The following LYZ variants were observed in gnomAD, a reference collection of about 807,000 sequenced individuals.
The protein encoded by LYZ is lysozyme, also known as lysozyme C.
A neutral mutation model predicts 15.8 loss-of-function variants in LYZ; 18 were observed. The observed-to-expected ratio is 1.14, with a 90% CI of 0.79 to 1.69. LYZ has a LOEUF of 1.69. Ranked by LOEUF, LYZ falls within the 40% of genes most tolerant of loss-of-function variation. The pLI is 0.00. For synonymous variants in LYZ, 60 were observed against 61.7 expected (o/e 0.97, Z 0.13); for missense variants, 139 against 182.8 (o/e 0.76, Z 1.38).
At position 69,350,278 on chromosome 12, in the gene LYZ, A is replaced by G. The variant is rs1427002423; in HGVS notation, c.301+6A>G. 3 of 1,614,050 alleles carry G rather than the reference A, an allele frequency of 1.9e-6. No homozygotes were observed. The highest frequency in any genetic ancestry group is 2.7e-5 in the African/African-American group (2 of 75,044). On this transcript the variant is annotated splice_donor_region_variant and intron_variant, in intron 2 of 3. Transcript: ENST00000261267. ...CTGTCATTTATCCTGCAGTGGTAAG[A>G]CAAGCTAATATTTGACCAATCTGGT...
rs1949856973 is a variant in LYZ, at chr12:69,353,826, C to T, written c.*607C>T. 6.5e-6 allele frequency: 1 copy of T among 154,392 alleles called. No homozygotes were observed. Among genetic ancestry groups the T allele is most frequent in the African/African-American group, 2.4e-5 (1 of 41,400 alleles). 9.6% of individuals were successfully genotyped at this position (154,392 alleles called of 1,614,324 possible). A position where few individuals can be genotyped will look rare whatever the true frequency, so the allele number is the denominator to read the frequency against. ...ATCAAAGAAATAACCCAGACTTAATCTTGAATGATACGATTATGCCCAATA... is the reference window on the plus strand; with the variant it reads ...ATCAAAGAAATAACCCAGACTTAATTTTGAATGATACGATTATGCCCAATA... On this transcript the variant is annotated 3_prime_UTR_variant, in exon 4 of 4. Transcript: ENST00000261267.
At chr12:69,352,176 A>G in intron 2 of LYZ, 44 bp from the exon 3 acceptor site, 1 of 1,393,572 alleles carries the variant, frequency 7.2e-7, no homozygotes, top group Non-Finnish European at 1.0e-6. Context: ...AATTTAAAAT[A>G]AAATATCTAT....
rs779641708 is a variant in LYZ, at chr12:69,352,211, G to GTCT, written c.302-7_302-5dup. ...TTAAAGTTTTTATTCCTTACCACCT[G>GTCT]TCTTTCAGCTTTGCTGCAAGATAAC... On this transcript the variant is annotated splice_polypyrimidine_tract_variant and intron_variant, in intron 2 of 3. Coordinates refer to ENST00000261267, the MANE Select transcript of LYZ (RefSeq NM_000239.3). The GTCT allele has an allele frequency of 3.1e-6, 5 of 1,605,392 alleles. No homozygotes were observed. The Admixed American group carries it at 8.3e-5, about 27-fold the overall frequency.
intron 3 of LYZ, 144 bp downstream of exon 3, chr12:69,352,442 T>A: frequency 1.6e-6 from 1 of 626,092 alleles, no homozygotes; most frequent in Non-Finnish European, 2.9e-6. Context: ...ATTACCTACA[T>A]CCTTGAAGAA....
At chr12:69,352,822 T>C (rs1303433039) in intron 3 of LYZ, among the ~76,000 whole-genome samples, 1 of 152,138 alleles carries the variant, frequency 6.6e-6, no homozygotes, top group Non-Finnish European at 1.5e-5. Flanking sequence ...TTGCAGAGGA[T>C]TGCGCCATTG....
At chr12:69,350,522 G>T (rs1874820206) in intron 2 of LYZ, 2 of 457,884 alleles carry the variant, frequency 4.4e-6, no homozygotes, top group Non-Finnish European at 8.0e-6. Context: ...TGGCCTTACT[G>T]ATGCTTTGTC....
rs1874891064 is a variant in LYZ at position 69,353,497 on chromosome 12, C to CTTTCTTTTTTTTTTTTT, written c.*281_*282insCTTTTTTTTTTTTTTTT. The stretch of plus-strand genomic sequence containing the variant: ...AAATACATCTCCAGTACATTCCGTT[C>CTTTCTTTTTTTTTTTTT]TTTTTTTTTTTGAGACAGTCTCGCT... On this transcript the variant is annotated 3_prime_UTR_variant, in exon 4 of 4. Coordinates refer to ENST00000261267, the MANE Select transcript of LYZ (RefSeq NM_000239.3). The CTTTCTTTTTTTTTTTTT allele has an allele frequency of 4.0e-6, 1 of 252,662 alleles. No homozygotes were observed. Among genetic ancestry groups the CTTTCTTTTTTTTTTTTT allele is most frequent in the Non-Finnish European group, 7.3e-6 (1 of 137,604 alleles). The allele number at this position is 252,662 out of a possible 1,614,324, so 15.7% of individuals were successfully genotyped here.
In LYZ at chr12:69,350,111, T is replaced by C. The variant is rs767355785; in HGVS notation, c.140T>C (p.Met47Thr). 1 of 1,614,100 alleles carries C rather than the reference T, an allele frequency of 6.2e-7. No individual in the cohort carries two copies. The highest frequency in any genetic ancestry group is 8.5e-7 in the Non-Finnish European group (1 of 1,179,962). ...ACTAAAAATAAGTTCTTTTCAGGGA[T>C]GTGTTTGGCCAAATGGGAGAGTGGT... ...GYRGISLANW[M>T]CLAKWESGYN... Residue 47 changes from methionine (M) to threonine (T), a missense_variant, in exon 2 of 4, where the codon ATG becomes ACG. Transcript: ENST00000261267.
chr12:69,350,523 ATG>A, intron 2 of LYZ: 1 of 454,880 alleles, frequency 2.2e-6, no homozygotes, highest in Non-Finnish European at 4.0e-6. Context: ...GGCCTTACTG[ATG>A]CTTTGTCCAG....
chr12:69,351,019 C>A (rs1186854544), intron 2 of LYZ, among the ~76,000 whole-genome samples: 3 of 152,070 alleles, frequency 2.0e-5, no homozygotes, highest in Admixed American at 1.3e-4. Flanking sequence ...AATCTTCCCA[C>A]CTCAGCCTCC....
intron 2 of LYZ, 31 bp from the exon 3 acceptor site, chr12:69,352,189 A>C (rs1874856888): frequency 6.6e-7 from 1 of 1,504,146 alleles, no homozygotes; most frequent in Admixed American, 1.7e-5. Context: ...ATATCTATTA[A>C]AGTTTTTATT....
rs775474378 is a variant in LYZ, at chr12:69,350,311, A to G, written c.301+39A>G. 24 of 1,608,072 alleles carry G rather than the reference A, an allele frequency of 1.5e-5. No homozygotes were observed. The South Asian group carries it at 2.3e-4, about 15-fold the overall frequency. ...ATATTTGACCAATCTGGTTATACTT[A>G]CAAGAATTGAGACTCAATACAAATG... On this transcript the variant is annotated intron_variant, in intron 2 of 3. Transcript: ENST00000261267.
chr12:69,351,557 T>A (rs1419521301), intron 2 of LYZ, among the ~76,000 whole-genome samples: 4 of 152,136 alleles, frequency 2.6e-5, no homozygotes, highest in African/African-American at 9.7e-5. Context: ...CATACACATA[T>A]AAACCCACAT....
intron 1 of LYZ, among the ~76,000 whole-genome samples, chr12:69,349,260 C>T (rs1423528049): frequency 6.6e-6 from 1 of 152,134 alleles, no homozygotes; most frequent in Non-Finnish European, 1.5e-5. Context: ...ACCTCAGCCT[C>T]CCAAAGTGGT....
rs1423180924 is a variant in LYZ at position 69,354,061 on chromosome 12, T to C, written c.*842T>C. On this transcript the variant is annotated 3_prime_UTR_variant, in exon 4 of 4. Transcript: ENST00000261267. ...AATTGAGAATTTTGATTTCTTAAAG[T>C]GTGTTTCTTTCTAAATTGCTGTTCC... The C allele has an allele frequency of 2.0e-5, 3 of 152,192 alleles. No homozygotes were observed. Among genetic ancestry groups the C allele is most frequent in the African/African-American group, 7.2e-5 (3 of 41,436 alleles). The allele number at this position is 152,192 out of a possible 1,614,324, so 9.4% of individuals were successfully genotyped here. A position where few individuals can be genotyped will look rare whatever the true frequency, so the allele number is the denominator to read the frequency against.
chr12:69,350,919 G>GT (rs1010844846), intron 2 of LYZ, among the ~76,000 whole-genome samples: 1 of 151,610 alleles, frequency 6.6e-6, no homozygotes, highest in African/African-American at 2.4e-5. Flanking sequence ...GACTACAGGT[G>GT]TGCACCACCA....
chr12:69,350,994 C>T (rs995159351), intron 2 of LYZ, among the ~76,000 whole-genome samples: 53 of 151,906 alleles, frequency 3.5e-4, no homozygotes, highest in Non-Finnish European at 7.1e-4. Flanking sequence ...TGGTCTTGAA[C>T]TCCTGAGTTC....
At position 69,348,552 on chromosome 12, in the gene LYZ, T is replaced by C; in HGVS notation, c.136+8T>C. ...GAATCAGCCTAGCAAACTGTAAGTCTACTCTCCATAATTCCAGAGAATTAG... is the reference window on the plus strand; with the variant it reads ...GAATCAGCCTAGCAAACTGTAAGTCCACTCTCCATAATTCCAGAGAATTAG... On this transcript the variant is annotated splice_region_variant and intron_variant, in intron 1 of 3. Transcript: ENST00000261267. The C allele has an allele frequency of 6.2e-7, 1 of 1,614,172 alleles. No individual in the cohort carries two copies. The highest frequency in any genetic ancestry group is 8.5e-7 in the Non-Finnish European group (1 of 1,180,012).
At position 69,353,729 on chromosome 12, in the gene LYZ, C is replaced by G. The variant is rs1431176560; in HGVS notation, c.*510C>G. On this transcript the variant is annotated 3_prime_UTR_variant, in exon 4 of 4. Transcript: ENST00000261267. The stretch of plus-strand genomic sequence containing the variant: ...GGTCTCGATCTCCTGACCTTGTGAT[C>G]CACCCACCTCGGCCTCCCAAAGTGC... 1 of 171,698 alleles carries G rather than the reference C, an allele frequency of 5.8e-6. No homozygotes were observed. Among genetic ancestry groups the G allele is most frequent in the Non-Finnish European group, 1.3e-5 (1 of 79,516 alleles). 10.6% of individuals were successfully genotyped at this position (171,698 alleles called of 1,614,324 possible).
Sources: allele counts gnomAD v4.1 joint callset (sites outside exome capture counted in the v4.1 genomes callset), GRCh38; gene constraint gnomAD v4.1.1; transcripts MANE v1.5; gene names NCBI Gene and HGNC (gene_info 2026-07-23, HGNC 2026-07-21).